Variants in SYNE2 observed in about 807,000 individuals in gnomAD.
SYNE2 encodes the protein nesprin-2.
Under a neutral mutation model 856.3 loss-of-function variants are expected in SYNE2, and 431 were observed. The observed-to-expected ratio is 0.50, with a 90% confidence interval of 0.47 to 0.55. SYNE2 has a LOEUF of 0.55. SYNE2 is among the 20% of genes least tolerant of loss of function. The pLI is 0.00. For missense variants in SYNE2, 8,129 were observed against 8,023.2 expected, an observed-to-expected ratio of 1.01 and a Z score of -0.50; for synonymous variants, 2,923 against 2,872.3, an observed-to-expected ratio of 1.02 and a Z score of -0.56.
At chr14:63,915,322 C>T (rs2095521542) in intron 2 of SYNE2, among the ~76,000 whole-genome samples, 1 of 152,052 alleles carries the variant, frequency 6.6e-6, no homozygotes, top group African/African-American at 2.4e-5. Context: ...TAAATGGCAA[C>T]TGTAGGCAAT....
At chr14:63,943,169 A>G (rs2095951331) in intron 6 of SYNE2, among the ~76,000 whole-genome samples, 1 of 152,194 alleles carries the variant, frequency 6.6e-6, no homozygotes, top group African/African-American at 2.4e-5. Flanking sequence ...GAATAATCCC[A>G]CAACATCCAG....
chr14:64,072,620 C>T (rs2097421178), intron 52 of SYNE2, among the ~76,000 whole-genome samples: 1 of 152,150 alleles, frequency 6.6e-6, no homozygotes, highest in South Asian at 2.1e-4. Flanking sequence ...CTGCCTCAGC[C>T]TCCTGAGTAG....
intron 88 of SYNE2, 176 bp downstream of exon 88, chr14:64,162,452 G>GTGACGTCTAT: frequency 1.4e-6 from 1 of 705,588 alleles, no homozygotes; most frequent in East Asian, 2.7e-5. Flanking sequence ...TGGCTCAGAG[G>GTGACGTCTAT]TGACGTCTAG....
chr14:63,985,713 T>C (rs2096620448), intron 18 of SYNE2, among the ~76,000 whole-genome samples: 2 of 152,234 alleles, frequency 1.3e-5, no homozygotes, highest in Admixed American at 1.3e-4. Context: ...TGATATATAC[T>C]ATTTTGAAGT....
At chr14:64,101,019 T>A (rs1449658016) in intron 63 of SYNE2, among the ~76,000 whole-genome samples, 1 of 152,212 alleles carries the variant, frequency 6.6e-6, no homozygotes, top group Non-Finnish European at 1.5e-5. Flanking sequence ...TTTCAGTATG[T>A]GTATATAACC....
intron 2 of SYNE2, among the ~76,000 whole-genome samples, chr14:63,926,000 C>T (rs541122017): frequency 6.6e-6 from 1 of 151,916 alleles, no homozygotes; most frequent in South Asian, 2.1e-4. Context: ...CGCCATGACA[C>T]CTGGCTAATT....
chr14:64,188,474 C>CAA, intron 97 of SYNE2, 76 bp from the exon 98 acceptor site: 1 of 1,550,490 alleles, frequency 6.4e-7, no homozygotes, highest in Non-Finnish European at 8.9e-7. Context: ...GAATGAAACT[C>CAA]AGTTTTTTTG....
chr14:64,029,232 G>T (rs990728625), intron 43 of SYNE2, among the ~76,000 whole-genome samples: 1 of 152,224 alleles, frequency 6.6e-6, no homozygotes, highest in African/African-American at 2.4e-5. Context: ...CTGAAAGCCA[G>T]ATTCCATGTA....
At position 63,981,051 on chromosome 14, in the gene SYNE2, A is replaced by C; in HGVS notation, c.1714A>C (p.Lys572Gln). The part of the protein sequence containing the change: ...MVKSDVCMYR[K>Q]NIYNVKSTLQ... ...GAAATCTGATGTTTGTATGTATAGA[A>C]AAAATATATATAATGTGAAGTCCAC... The change falls in exon 16 of 116, where the codon AAA (lysine) becomes CAA (glutamine). Residue 572 changes from lysine (K) to glutamine (Q), a missense_variant. Physicochemically the swap from Lys to Gln is moderately conservative, Grantham distance 53. Around this residue, in one of 3 missense-constraint regions of SYNE2, gnomAD observed 2,422 missense variants for 2,357.4 expected, o/e 1.03. Transcript: ENST00000555002. 1.3e-6 allele frequency: 2 copies of C among 1,590,418 alleles called. No individual in the cohort carries two copies. The highest frequency in any genetic ancestry group is 1.7e-6 in the Non-Finnish European group (2 of 1,159,004).
At chr14:63,895,518 C>T (rs1190993281) in intron 1 of SYNE2, among the ~76,000 whole-genome samples, 1 of 145,408 alleles carries the variant, frequency 6.9e-6, no homozygotes, top group African/African-American at 2.6e-5. Flanking sequence ...CTTTGGAGGC[C>T]AAAGTGCATG....
chr14:64,129,730 A>G, intron 74 of SYNE2, 52 bp from the exon 75 acceptor site: 1 of 1,611,644 alleles, frequency 6.2e-7, no homozygotes, highest in Admixed American at 1.7e-5. Context: ...AACTATGTGT[A>G]CTTCTCTGAC....
In SYNE2 at chr14:64,167,620, A is replaced by G; in HGVS notation, c.16886A>G (p.Glu5629Gly). The change falls in exon 92 of 116, where the codon GAG becomes GGG. Residue 5629 changes from glutamate (E) to glycine (G), a missense_variant. By Grantham distance (98) the Glu-to-Gly change is moderately conservative (BLOSUM62 -2). This residue lies in a region of SYNE2 where 5,410 missense variants were observed against 5,284.8 expected (regional missense o/e 1.02). Transcript: ENST00000555002. ...GCTAACAGCCTTCCTGAGCTCCTGG[A>G]GCAGCAGAAAACCTATAAGGTAAAC... ...DVANSLPELL[E>G]QQKTYKMLEA... The G allele has an allele frequency of 1.2e-6, 2 of 1,614,246 alleles. No individual in the cohort carries two copies. The highest frequency in any genetic ancestry group is 1.7e-6 in the Non-Finnish European group (2 of 1,180,048).
At chr14:63,860,723 AT>A (rs1566634292) in intron 1 of SYNE2, among the ~76,000 whole-genome samples, 1 of 152,190 alleles carries the variant, frequency 6.6e-6, no homozygotes, top group African/African-American at 2.4e-5. Flanking sequence ...ATGTACCCCT[AT>A]TTAATTCATT....
rs770310333 is a variant in SYNE2, at chr14:64,053,033, A to G, written c.9120A>G (p.Thr3040=). ...AAGAAAAAATTAAGCAGTTGGACAC[A>G]TTTGAGGAAGAACATGGCAAATATC... The part of the protein sequence containing the change: ...ELEEKIKQLD[T]FEEEHGKYQA... Residue 3040 remains threonine, a synonymous_variant, in exon 48 of 116, where the codon ACA becomes ACG. Transcript: ENST00000555002. 21 of 1,613,960 alleles carry G rather than the reference A, an allele frequency of 1.3e-5. No individual in the cohort carries two copies. Among genetic ancestry groups the G allele is most frequent in the Non-Finnish European group, 1.7e-5 (20 of 1,180,006 alleles).
chr14:63,954,891 A>C lies in SYNE2; in HGVS notation c.763A>C (p.Ile255Leu). The change falls in exon 8 of 116, where the codon ATC (isoleucine) becomes CTC (leucine). Residue 255 changes from isoleucine (I) to leucine (L), a missense_variant. By Grantham distance (5) the Ile-to-Leu change is conservative. Transcript: ENST00000555002. ...CAGAATTGCAGAACAAGAATTAAAA[A>C]TCCCCAGATTGCTGGAACCAGAAGG... The part of the protein sequence containing the change: ...AFRIAEQELK[I>L]PRLLEPEDVD... The C allele has an allele frequency of 6.2e-7, 1 of 1,613,576 alleles. No homozygotes were observed. Among genetic ancestry groups the C allele is most frequent in the Non-Finnish European group, 8.5e-7 (1 of 1,179,884 alleles).
intron 95 of SYNE2, 120 bp from the exon 96 acceptor site, chr14:64,177,236 CTG>C (rs778601476): frequency 3.4e-5 from 42 of 1,244,262 alleles, no homozygotes; most frequent in Non-Finnish European, 4.8e-5. Flanking sequence ...AACTGGGTGT[CTG>C]TGTGATTTAT....
intron 25 of SYNE2, 34 bp downstream of exon 25, chr14:63,997,425 A>G (rs1231258264): frequency 6.5e-7 from 1 of 1,529,740 alleles, no homozygotes; most frequent in Non-Finnish European, 9.0e-7. Flanking sequence ...TTAGAAGTAA[A>G]CCCAAAGTAA....
intron 99 of SYNE2, chr14:64,202,036 C>T (rs567069870): frequency 5.8e-5 from 35 of 607,656 alleles, no homozygotes; most frequent in African/African-American, 4.4e-4. Context: ...AGCATGTGGA[C>T]GTGCACGCCA....
At chr14:64,192,144 C>T (rs530614030) in intron 99 of SYNE2, among the ~76,000 whole-genome samples, 1 of 152,278 alleles carries the variant, frequency 6.6e-6, no homozygotes, top group Non-Finnish European at 1.5e-5. Context: ...CTAGTGAGGC[C>T]TGCAACTGGA....
Sources: allele counts gnomAD v4.1 joint callset (sites outside exome capture counted in the v4.1 genomes callset), GRCh38; gene constraint gnomAD v4.1.1; regional missense constraint gnomAD v4.1.1; transcripts MANE v1.5; gene names NCBI Gene and HGNC (gene_info 2026-07-23, HGNC 2026-07-21).